The following ADGRF3 variants were observed in gnomAD, a reference collection of about 807,000 sequenced individuals.
The protein encoded by ADGRF3 is G protein-coupled receptor 113.
ADGRF3 carries 85 observed loss-of-function variants against 93.2 expected under a neutral mutation model. The ratio of observed to expected loss-of-function variants is 0.91; its 90% CI spans 0.77 to 1.09. The LOEUF (loss-of-function observed/expected upper bound fraction) is 1.09, where lower values mean the gene tolerates loss of function less well. ADGRF3 is among the 50% of genes least tolerant of loss of function. The probability of loss-of-function intolerance (pLI) is 0.00; values close to 1 mark genes in which losing one functional copy is unlikely to be tolerated. For missense variants in ADGRF3, 1,125 were observed against 1,246.2 expected, an observed-to-expected ratio of 0.90 and a Z score of 1.46; for synonymous variants, 534 against 532.5, an observed-to-expected ratio of 1.00 and a Z score of -0.04.
rs79338371 is a variant in ADGRF3 at position 26,340,036 on chromosome 2, T to C, written c.114+6085A>G. 3.4e-4 allele frequency among the ~76,000 whole-genome samples: 52 copies of C among 152,364 alleles called. No individual in the cohort carries two copies. In the East Asian group the frequency reaches 8.7e-3, roughly 25 times the overall value. The stretch of plus-strand genomic sequence containing the variant: ...TTACCAGTTTTGGTTAATCAAATCA[T>C]TTTCTTTCTACCAGACTTCGCTCTT... On this transcript the variant is annotated intron_variant, in intron 1 of 13. Coordinates refer to ENST00000651242, the MANE Select transcript of ADGRF3 (RefSeq NM_001321971.2).
At chr2:26,319,573 T>C (rs183131311) in intron 1 of ADGRF3, among the ~76,000 whole-genome samples, 16,988 of 54,468 alleles carry the variant, frequency 0.31, 1,987 homozygotes, top group Middle Eastern at 0.43. Flanking sequence ...CTCCCTTCCT[T>C]CCTTCCTTCC....
In ADGRF3 at chr2:26,311,874, C is replaced by T. The variant is rs149220598; in HGVS notation, c.1650G>A (p.Thr550=). Residue 550 remains threonine (T), a synonymous_variant, in exon 10 of 14, where the codon ACG becomes ACA. Transcript: ENST00000651242. ...AGGAGATGCTGTAGTCAGCAGGAAA[C>T]GTGGGTCCAAACAGCTGGCTCTGCA... ...VLLQSQLFGP[T]FPADYSISFP... is the part of the protein sequence containing the mutation. 74 of 1,613,752 alleles carry T rather than the reference C, an allele frequency of 4.6e-5. 1 individual carries two copies. Among genetic ancestry groups the T allele is most frequent in the Non-Finnish European group, 6.0e-5 (71 of 1,179,860 alleles).
At chr2:26,319,039 G>C in intron 1 of ADGRF3, 1 of 1,551,028 alleles carries the variant, frequency 6.4e-7, no homozygotes, top group Admixed American at 2.0e-5. Flanking sequence ...TGGGGCAGCC[G>C]AACAGACCAT....
At chr2:26,338,104 A>T (rs1263999740) in intron 1 of ADGRF3, among the ~76,000 whole-genome samples, 1 of 152,230 alleles carries the variant, frequency 6.6e-6, no homozygotes, top group Non-Finnish European at 1.5e-5. Flanking sequence ...TTTTCTTTTG[A>T]TTTTAAGCCT....
intron 1 of ADGRF3, among the ~76,000 whole-genome samples, chr2:26,319,550 C>T (rs867248110): frequency 8.6e-5 from 2 of 23,274 alleles, no homozygotes; most frequent in Non-Finnish European, 2.3e-4. Flanking sequence ...TCTTTCTCTC[C>T]CTCCCTCCCT....
intron 1 of ADGRF3, among the ~76,000 whole-genome samples, chr2:26,328,461 T>G (rs1675571618): frequency 7.5e-6 from 1 of 132,808 alleles, no homozygotes; most frequent in South Asian, 2.5e-4. Context: ...TTAGTTTTTT[T>G]TTTTTTTTTT....
At chr2:26,339,637 A>G (rs556214600) in intron 1 of ADGRF3, among the ~76,000 whole-genome samples, 2 of 152,158 alleles carry the variant, frequency 1.3e-5, no homozygotes, top group East Asian at 3.9e-4. Context: ...CTTGATATAG[A>G]CTCCATGGTC....
In ADGRF3 at chr2:26,315,865, C is replaced by G. The variant is rs551679858; in HGVS notation, c.500-125G>C. The G allele has an allele frequency of 2.5e-5, 35 of 1,400,982 alleles. 1 individual carries two copies. In the South Asian group the frequency reaches 4.4e-4, roughly 18 times the overall value. The allele number at this position is 1,400,982 out of a possible 1,614,324, so 86.8% of individuals were successfully genotyped here. A position where few individuals can be genotyped will look rare whatever the true frequency, so the allele number is the denominator to read the frequency against. On this transcript the variant is annotated intron_variant, in intron 4 of 13. Coordinates refer to ENST00000651242, the MANE Select transcript of ADGRF3 (RefSeq NM_001321971.2). ...CCACACTCCCTCCCTAGCTTTTTAA[C>G]TTTTTCTTTTTGTCCCTGGGTGGGC... is the stretch of plus-strand genomic sequence containing the variant.
At chr2:26,339,524 A>C (rs1054314273) in intron 1 of ADGRF3, among the ~76,000 whole-genome samples, 3 of 151,984 alleles carry the variant, frequency 2.0e-5, no homozygotes, top group African/African-American at 7.3e-5. Context: ...AACAAAACAA[A>C]ACAACACACC....
In ADGRF3 at chr2:26,310,253, T is replaced by A; in HGVS notation, c.2833-16A>T. The A allele has an allele frequency of 6.2e-7, 1 of 1,613,812 alleles. No homozygotes were observed. Among genetic ancestry groups the A allele is most frequent in the Non-Finnish European group, 8.5e-7 (1 of 1,179,830 alleles). On this transcript the variant is annotated splice_polypyrimidine_tract_variant and intron_variant, in intron 10 of 13. Transcript: ENST00000651242. ...TGAAGACGCCCTGAGAAGAGGGACA[T>A]GGGGATAAGCTGGTCAAGGAGGAAG...
chr2:26,309,812 T>A, intron 12 of ADGRF3: 1 of 1,064,208 alleles, frequency 9.4e-7, no homozygotes, highest in South Asian at 1.6e-5. Context: ...GAAAAGAGAG[T>A]CAGCAGGAGT....
At chr2:26,312,288 A>G (rs769670800) in intron 9 of ADGRF3, among the ~76,000 whole-genome samples, 1 of 152,044 alleles carries the variant, frequency 6.6e-6, no homozygotes, top group African/African-American at 2.4e-5. Flanking sequence ...GGGCATCTTC[A>G]AGGATATGTC....
At chr2:26,317,465 C>T (rs745375030) in intron 2 of ADGRF3, 31 bp downstream of exon 2, 232 of 1,565,364 alleles carry the variant, frequency 1.5e-4, no homozygotes, top group Non-Finnish European at 2.0e-4. Flanking sequence ...CATCTCCTCC[C>T]CCTCCCTCCT....
intron 13 of ADGRF3, 135 bp downstream of exon 13, chr2:26,309,391 C>T (rs1354265407): frequency 6.6e-7 from 1 of 1,508,700 alleles, no homozygotes; most frequent in Non-Finnish European, 8.8e-7. Context: ...CCTAGAAAAA[C>T]CTGTTTCCTA....
chr2:26,320,984 G>A (rs914451345), intron 1 of ADGRF3, among the ~76,000 whole-genome samples: 13 of 152,104 alleles, frequency 8.5e-5, no homozygotes, highest in African/African-American at 3.1e-4. Context: ...GACAATAGTT[G>A]TTGCTTCTGG....
chr2:26,334,536 G>A (rs1434621256), intron 1 of ADGRF3, among the ~76,000 whole-genome samples: 2 of 151,916 alleles, frequency 1.3e-5, no homozygotes, highest in Non-Finnish European at 2.9e-5. Flanking sequence ...CTACCTCAAG[G>A]GCTTGCTTCT....
At chr2:26,314,047 A>T in intron 6 of ADGRF3, 144 bp from the exon 7 acceptor site, 1 of 1,031,414 alleles carries the variant, frequency 9.7e-7, no homozygotes, top group South Asian at 1.5e-5. Context: ...TGTGGGCTCC[A>T]CTTGGACAGA....
intron 1 of ADGRF3, among the ~76,000 whole-genome samples, chr2:26,334,611 A>G (rs886200930): frequency 3.9e-5 from 6 of 152,094 alleles, no homozygotes; most frequent in Admixed American, 2.6e-4. Context: ...TAAATCTTAT[A>G]TGGGTAATTT....
chr2:26,327,764 T>C (rs1675519472), intron 1 of ADGRF3, among the ~76,000 whole-genome samples: 1 of 151,106 alleles, frequency 6.6e-6, no homozygotes, highest in South Asian at 2.1e-4. Context: ...AAAGGGGCCC[T>C]AACTTATCCT....
Sources: allele counts gnomAD v4.1 joint callset (sites outside exome capture counted in the v4.1 genomes callset), GRCh38; gene constraint gnomAD v4.1.1; transcripts MANE v1.5; gene names NCBI Gene and HGNC (gene_info 2026-07-23, HGNC 2026-07-21).